The following MYOF variants were observed in gnomAD, a reference collection of about 807,000 sequenced individuals.
MYOF encodes myoferlin, also known as fer-1-like 3, myoferlin.
MYOF carries 244 observed loss-of-function variants against 284.2 expected under a neutral mutation model. The observed-to-expected ratio is 0.86, with a 90% confidence interval of 0.77 to 0.95. The LOEUF (loss-of-function observed/expected upper bound fraction) is 0.95, where lower values mean the gene tolerates loss of function less well. Among genes scored for constraint, MYOF ranks in the 40% least tolerant of loss-of-function variants. The probability of loss-of-function intolerance (pLI) is 0.00; values close to 1 mark genes in which losing one functional copy is unlikely to be tolerated. For synonymous variants in MYOF, 904 were observed against 919.7 expected (o/e 0.98, Z 0.31); for missense variants, 2,496 against 2,560.6 (o/e 0.97, Z 0.54).
chr10:93,347,210 G>GACTT (rs2133870105), intron 37 of MYOF, among the ~76,000 whole-genome samples: 1 of 152,290 alleles, frequency 6.6e-6, no homozygotes, highest in African/African-American at 2.4e-5. Context: ...ATGAATCCAG[G>GACTT]ACTTACCTTG....
intron 27 of MYOF, 115 bp from the exon 28 acceptor site, chr10:93,361,672 C>T: frequency 1.2e-6 from 1 of 811,458 alleles, no homozygotes; most frequent in Non-Finnish European, 2.0e-6. Flanking sequence ...TACTTAGATA[C>T]CATCTTAGAG....
chr10:93,455,244 A>C (rs571625455), intron 2 of MYOF, among the ~76,000 whole-genome samples: 1 of 151,968 alleles, frequency 6.6e-6, no homozygotes, highest in Non-Finnish European at 1.5e-5. Flanking sequence ...AGCAACCTGC[A>C]CTCCAGCCTG....
At chr10:93,413,344 C>T (rs1248730425) in intron 5 of MYOF, among the ~76,000 whole-genome samples, 2 of 152,180 alleles carry the variant, frequency 1.3e-5, no homozygotes, top group African/African-American at 4.8e-5. Flanking sequence ...AGGAAACCTC[C>T]CCTTTATGTG....
chr10:93,417,085 G>T (rs1848163287), intron 5 of MYOF, among the ~76,000 whole-genome samples: 1 of 152,136 alleles, frequency 6.6e-6, no homozygotes, highest in Admixed American at 6.5e-5. Context: ...ATTCACAGTG[G>T]TTCAAGATTC....
rs1289809399 is a variant in MYOF, at chr10:93,425,262, G to T, written c.433+809C>A. ...AGCCAGGAGGGAGAGTTTCAAGGAA[G>T]CAGGTGAGTGTGGTGAGATAAGGGG... On this transcript the variant is annotated intron_variant, in intron 5 of 53. Transcript: ENST00000359263. 1.3e-5 allele frequency among the ~76,000 whole-genome samples: 2 copies of T among 152,266 alleles called. 1 individual carries two copies. Among genetic ancestry groups the T allele is most frequent in the South Asian group, 4.1e-4 (2 of 4,828 alleles).
chr10:93,387,655 C>T (rs2134026031), intron 19 of MYOF, 142 bp downstream of exon 19: 3 of 690,984 alleles, frequency 4.3e-6, no homozygotes, highest in South Asian at 1.7e-5. Context: ...AAGGATGAAG[C>T]GATCCTCATA....
intron 1 of MYOF, among the ~76,000 whole-genome samples, chr10:93,480,273 G>A (rs2057357746): frequency 6.6e-6 from 1 of 152,102 alleles, no homozygotes; most frequent in Non-Finnish European, 1.5e-5. Flanking sequence ...ATTTTAAGCT[G>A]GGCGTGGTAG....
At chr10:93,323,200 T>A in intron 47 of MYOF, 27 bp from the exon 48 acceptor site, 1 of 1,611,900 alleles carries the variant, frequency 6.2e-7, no homozygotes, top group Non-Finnish European at 8.5e-7. Flanking sequence ...TGGAAGGTAC[T>A]TTTTTTTCTG....
intron 44 of MYOF, 69 bp downstream of exon 44, chr10:93,329,595 G>A: frequency 1.3e-6 from 2 of 1,542,588 alleles, no homozygotes; most frequent in Non-Finnish European, 1.8e-6. Context: ...TAAGGTAGAG[G>A]GCCTAGGCCT....
At chr10:93,395,669 G>A (rs1589498736) in intron 16 of MYOF, among the ~76,000 whole-genome samples, 1 of 151,860 alleles carries the variant, frequency 6.6e-6, no homozygotes, top group Admixed American at 6.6e-5. Flanking sequence ...ATTATCTTAG[G>A]GAGTGAGGAC....
intron 48 of MYOF, among the ~76,000 whole-genome samples, chr10:93,322,367 G>A (rs534242879): frequency 6.6e-6 from 1 of 152,298 alleles, no homozygotes; most frequent in Admixed American, 6.5e-5. Context: ...CCCTGGGAAG[G>A]AAGAATAATC....
At position 93,366,433 on chromosome 10, in the gene MYOF, G is replaced by A; in HGVS notation, c.2712C>T (p.Gly904=). The change falls in exon 26 of 54, where the codon GGC becomes GGT. Residue 904 remains glycine (G), a synonymous_variant. Transcript: ENST00000359263. Reference sequence around the variant, plus strand: ...CTATCCACTCTCCTTCCCATTCCCAGCCTTTTGGAGGCAGAAAAAATTCCC... The same window carrying A: ...CTATCCACTCTCCTTCCCATTCCCAACCTTTTGGAGGCAGAAAAAATTCCC... ...LKREFFLPPK[G]WEWEGEWIVD... 1 of 1,613,888 alleles carries A rather than the reference G, an allele frequency of 6.2e-7. No homozygotes were observed. Among genetic ancestry groups the A allele is most frequent in the South Asian group, 1.1e-5 (1 of 91,046 alleles).
chr10:93,390,648 A>G (rs974442367), intron 17 of MYOF, among the ~76,000 whole-genome samples: 1 of 152,276 alleles, frequency 6.6e-6, no homozygotes, highest in East Asian at 1.9e-4. Flanking sequence ...AACATTGCAA[A>G]GACGATTAAT....
intron 5 of MYOF, among the ~76,000 whole-genome samples, chr10:93,418,546 G>T (rs1008396226): frequency 6.6e-6 from 1 of 152,118 alleles, no homozygotes; most frequent in Non-Finnish European, 1.5e-5. Flanking sequence ...GCAGTCCTGC[G>T]GGGCAATTGA....
chr10:93,471,889 CAAA>C (rs35028422), intron 1 of MYOF, among the ~76,000 whole-genome samples: 10 of 140,414 alleles, frequency 7.1e-5, no homozygotes, highest in Non-Finnish European at 6.2e-5. Flanking sequence ...AACACTGTCT[CAAA>C]AAAAAAAAAA....
In MYOF at chr10:93,319,977, T is replaced by G; in HGVS notation, c.5493A>C (p.Thr1831=). The G allele has an allele frequency of 6.2e-7, 1 of 1,614,234 alleles. No homozygotes were observed. Among genetic ancestry groups the G allele is most frequent in the Non-Finnish European group, 8.5e-7 (1 of 1,180,030 alleles). ...CATCCAAAGATCTGTAATGGACATC[T>G]GTTTTCTGTTTGTTTTCTTCATTGC... ...IPGNEENKQK[T]DVHYRSLDGE... The change falls in exon 49 of 54, where the codon ACA becomes ACC. Residue 1831 remains threonine, a synonymous_variant. Coordinates refer to ENST00000359263, the MANE Select transcript of MYOF (RefSeq NM_013451.4).
intron 3 of MYOF, among the ~76,000 whole-genome samples, chr10:93,443,480 G>C (rs1210684508): frequency 5.9e-4 from 87 of 146,974 alleles, no homozygotes; most frequent in African/African-American, 2.1e-3. Context: ...CTCTGTGTGT[G>C]TGTGTGTGTG....
intron 37 of MYOF, among the ~76,000 whole-genome samples, chr10:93,346,620 T>A (rs989441272): frequency 3.3e-5 from 5 of 152,248 alleles, no homozygotes; most frequent in African/African-American, 7.2e-5. Context: ...TGCTCTATCA[T>A]TTACATATTA....
At position 93,313,041 on chromosome 10, in the gene MYOF, T is replaced by A; in HGVS notation, c.5868A>T (p.Lys1956Asn). The change falls in exon 51 of 54, where the codon AAA becomes AAT. Residue 1956 changes from lysine to asparagine, a missense_variant. By Grantham distance (94) the Lys-to-Asn change is moderately conservative. This residue lies in a region of MYOF where 2,436 missense variants were observed against 2,480.7 expected (regional missense o/e 0.98). Coordinates refer to ENST00000359263, the MANE Select transcript of MYOF (RefSeq NM_013451.4). ...MKGWWPCYAE[K>N]DGARVMAGKV... ...ATACAGCCATTACGCGGGCGCCATC[T>A]TTCTCTGCGTAGCATGGCCACCATC... 1 of 1,611,570 alleles carries A rather than the reference T, an allele frequency of 6.2e-7. No homozygotes were observed. The highest frequency in any genetic ancestry group is 8.5e-7 in the Non-Finnish European group (1 of 1,179,148).
Sources: gnomAD v4.1 joint callset for allele counts (sites outside exome capture counted in the v4.1 genomes callset) on GRCh38, gnomAD v4.1.1 for gene constraint, gnomAD v4.1.1 regional missense constraint, MANE v1.5 for transcripts, NCBI Gene and HGNC (gene_info 2026-07-23, HGNC 2026-07-21) for gene names.